Variants in AUTS2 observed in about 807,000 individuals in gnomAD.
The protein encoded by AUTS2 is activator of transcription and developmental regulator AUTS2, also known as autism susceptibility gene 2 protein.
AUTS2 carries 17 observed loss-of-function variants against 112.4 expected under a neutral mutation model. The ratio of observed to expected loss-of-function variants is 0.15; its 90% CI spans 0.10 to 0.23. AUTS2 has a LOEUF of 0.23. Ranked by LOEUF, AUTS2 falls within the 10% of genes least tolerant of loss-of-function variation. AUTS2 has a pLI of 1.00. For synonymous variants in AUTS2, 751 were observed against 702.7 expected, an observed-to-expected ratio of 1.07 and a Z score of -1.09; for missense variants, 1,510 against 1,701.6, an observed-to-expected ratio of 0.89 and a Z score of 1.98.
rs556262091 is a variant in AUTS2 at position 69,770,922 on chromosome 7, A to G, written c.310-128364A>G. ...TGCACTTAAAAAAAAATGGTTTCAC[A>G]TAAGGCAGAACAGGTTGCTACTTAA... On this transcript the variant is annotated intron_variant, in intron 1 of 18. Coordinates refer to ENST00000342771, the MANE Select transcript of AUTS2 (RefSeq NM_015570.4). Among the ~76,000 whole-genome samples, 8 of 152,312 alleles carry G rather than the reference A, an allele frequency of 5.3e-5. No homozygotes were observed. The East Asian group carries it at 1.2e-3, about 22-fold the overall frequency.
At chr7:70,677,085 A>G (rs1367525370) in intron 5 of AUTS2, among the ~76,000 whole-genome samples, 2 of 152,106 alleles carry the variant, frequency 1.3e-5, no homozygotes, top group Non-Finnish European at 2.9e-5. Context: ...GTCTTTTCTC[A>G]GTCCTTCTCC....
intron 1 of AUTS2, among the ~76,000 whole-genome samples, chr7:69,804,663 A>G (rs1184955309): frequency 6.6e-6 from 1 of 152,174 alleles, no homozygotes; most frequent in African/African-American, 2.4e-5. Flanking sequence ...TGAACCCCAC[A>G]GTTACATGGA....
At chr7:70,433,453 C>G (rs1795756690) in intron 4 of AUTS2, among the ~76,000 whole-genome samples, 1 of 152,186 alleles carries the variant, frequency 6.6e-6, no homozygotes, top group South Asian at 2.1e-4. Context: ...ATCTTAGGAA[C>G]CTCACAGAGG....
intron 4 of AUTS2, among the ~76,000 whole-genome samples, chr7:70,386,677 G>A (rs188393463): frequency 6.6e-6 from 1 of 152,218 alleles, no homozygotes; most frequent in East Asian, 1.9e-4. Flanking sequence ...TCCATTGGGG[G>A]TTGCTGGTTC....
At chr7:70,015,182 A>G (rs942957345) in intron 2 of AUTS2, among the ~76,000 whole-genome samples, 3 of 152,194 alleles carry the variant, frequency 2.0e-5, no homozygotes, top group Non-Finnish European at 4.4e-5. Flanking sequence ...ACAACAGCCA[A>G]GTATCTCAGT....
intron 6 of AUTS2, among the ~76,000 whole-genome samples, chr7:70,733,581 T>A (rs1224201080): frequency 7.3e-6 from 1 of 136,786 alleles, no homozygotes; most frequent in Non-Finnish European, 1.5e-5. Context: ...AACATTTTTC[T>A]ACGTTAGTTT....
At position 70,043,129 on chromosome 7, in the gene AUTS2, A is replaced by G. The variant is rs898386132; in HGVS notation, c.523-75003A>G. On this transcript the variant is annotated intron_variant, in intron 2 of 18. Transcript: ENST00000342771. The stretch of plus-strand genomic sequence containing the variant: ...AAAATTTAAAGAACCTTTCCTGACT[A>G]TTCCCAAGGCTGACTTGGAAGGAAA... Among the ~76,000 whole-genome samples the G allele has an allele frequency of 5.9e-5, 9 of 152,092 alleles. No individual in the cohort carries two copies. In the South Asian group the frequency reaches 6.2e-4, roughly 10 times the overall value.
intron 2 of AUTS2, among the ~76,000 whole-genome samples, chr7:70,115,831 A>G (rs1276339357): frequency 6.6e-6 from 1 of 152,212 alleles, no homozygotes; most frequent in Non-Finnish European, 1.5e-5. Context: ...AAAATAAATA[A>G]TAGAAAGAAA....
intron 4 of AUTS2, among the ~76,000 whole-genome samples, chr7:70,422,652 C>T (rs889312675): frequency 5.9e-5 from 9 of 152,080 alleles, no homozygotes; most frequent in African/African-American, 2.2e-4. Flanking sequence ...GTGGCGCATA[C>T]CTATAGTCCC....
chr7:70,432,619 C>CGGGT (rs1795721488), intron 4 of AUTS2, among the ~76,000 whole-genome samples: 1 of 152,192 alleles, frequency 6.6e-6, no homozygotes, highest in Admixed American at 6.5e-5. Context: ...GAATAGACCT[C>CGGGT]TTGTATGTGT....
intron 2 of AUTS2, among the ~76,000 whole-genome samples, chr7:69,980,941 G>T (rs892403763): frequency 2.0e-5 from 3 of 152,172 alleles, no homozygotes; most frequent in Non-Finnish European, 4.4e-5. Flanking sequence ...TGTCTATGAG[G>T]CTTATTAAAA....
chr7:69,673,662 C>T (rs1460307155), intron 1 of AUTS2, among the ~76,000 whole-genome samples: 1 of 152,162 alleles, frequency 6.6e-6, no homozygotes, highest in Non-Finnish European at 1.5e-5. Flanking sequence ...ATTTGTGTTT[C>T]TGTCAATAGT....
At chr7:69,972,653 TTGTGTGTGTGTGCGTGCATGTGTGTG>T (rs1274008725) in intron 2 of AUTS2, among the ~76,000 whole-genome samples, 4 of 146,452 alleles carry the variant, frequency 2.7e-5, no homozygotes, top group Non-Finnish European at 6.0e-5. Flanking sequence ...AAGTTTTTCT[TTGTGTGTGTGTGCGTGCATGTGTGTG>T]TGTGTGTGTG....
intron 1 of AUTS2, among the ~76,000 whole-genome samples, chr7:69,719,210 A>G (rs1455466527): frequency 6.6e-6 from 1 of 152,204 alleles, no homozygotes; most frequent in Admixed American, 6.5e-5. Flanking sequence ...GTCATATTGA[A>G]TAAATCTAAT....
At chr7:70,229,452 C>T (rs1181109799) in intron 4 of AUTS2, among the ~76,000 whole-genome samples, 1 of 152,012 alleles carries the variant, frequency 6.6e-6, no homozygotes, top group Non-Finnish European at 1.5e-5. Context: ...TTTTGGGTGC[C>T]TTGTACATAG....
intron 1 of AUTS2, among the ~76,000 whole-genome samples, chr7:69,848,244 T>C: frequency 6.6e-6 from 1 of 152,240 alleles, no homozygotes; most frequent in Non-Finnish European, 1.5e-5. Flanking sequence ...CAGCCTGTAC[T>C]GCATTGCCCC....
chr7:70,765,045 C>G (rs1227382640), intron 8 of AUTS2, 40 bp downstream of exon 8: 1 of 1,608,534 alleles, frequency 6.2e-7, no homozygotes, highest in Non-Finnish European at 8.5e-7. Flanking sequence ...CCGACCCCCA[C>G]CGCCCCTCGC....
chr7:70,255,910 A>G (rs1159267047), intron 4 of AUTS2, among the ~76,000 whole-genome samples: 1 of 152,220 alleles, frequency 6.6e-6, no homozygotes, highest in African/African-American at 2.4e-5. Context: ...TTGATGTGGA[A>G]AGAACCAGCC....
At position 70,243,984 on chromosome 7, in the gene AUTS2, T is replaced by A. The variant is rs1812768693; in HGVS notation, c.660+109413T>A. Among the ~76,000 whole-genome samples the A allele has an allele frequency of 1.3e-5, 2 of 151,996 alleles. 1 individual carries two copies. Among genetic ancestry groups the A allele is most frequent in the South Asian group, 4.1e-4 (2 of 4,820 alleles). The stretch of plus-strand genomic sequence containing the variant: ...TTACAGTATAGTAATACTATTACAG[T>A]AATAGTAAGAGTATGGGAGATACTC... On this transcript the variant is annotated intron_variant, in intron 4 of 18. Transcript: ENST00000342771.
Sources: allele counts gnomAD v4.1 joint callset (sites outside exome capture counted in the v4.1 genomes callset), GRCh38; gene constraint gnomAD v4.1.1; transcripts MANE v1.5; gene names NCBI Gene and HGNC (gene_info 2026-07-23, HGNC 2026-07-21).